GALNT17: variants seen among roughly 807,000 people sequenced by gnomAD.
GALNT17 encodes polypeptide N-acetylgalactosaminyltransferase 17, also known as UDP-GalNAc:polypeptide N-acetylgalactosaminyltransferase-like 3.
Under a neutral mutation model 63.7 loss-of-function variants are expected in GALNT17, and 29 were observed. The ratio of observed to expected loss-of-function variants is 0.46; its 90% confidence interval spans 0.34 to 0.62. The LOEUF (loss-of-function observed/expected upper bound fraction) is 0.62, where lower values mean the gene tolerates loss of function less well. Ranked by LOEUF, GALNT17 falls within the 20% of genes least tolerant of loss-of-function variation. The pLI, the probability that GALNT17 is intolerant of heterozygous loss-of-function variation, is 0.01. For synonymous variants in GALNT17, 305 were observed against 318.3 expected, an observed-to-expected ratio of 0.96 and a Z score of 0.45; for missense variants, 603 against 799.6, an observed-to-expected ratio of 0.75 and a Z score of 2.97.
intron 5 of GALNT17, among the ~76,000 whole-genome samples, chr7:71,558,516 G>C (rs1789201783): frequency 6.6e-6 from 1 of 152,108 alleles, no homozygotes; most frequent in South Asian, 2.1e-4. Flanking sequence ...GATGATGCCT[G>C]TTCTAGACCT....
At chr7:71,368,975 G>A (rs375780198) in intron 2 of GALNT17, among the ~76,000 whole-genome samples, 4 of 151,930 alleles carry the variant, frequency 2.6e-5, no homozygotes, top group South Asian at 2.1e-4. Flanking sequence ...AATAAGAATC[G>A]GAATTAAATA....
chr7:71,329,286 A>G (rs917305693), intron 1 of GALNT17, among the ~76,000 whole-genome samples: 1 of 152,186 alleles, frequency 6.6e-6, no homozygotes. Flanking sequence ...GGGAAAATCC[A>G]GGGCGAATGA....
intron 1 of GALNT17, among the ~76,000 whole-genome samples, chr7:71,236,276 C>T (rs2116456869): frequency 6.6e-6 from 1 of 152,136 alleles, no homozygotes; most frequent in African/African-American, 2.4e-5. Flanking sequence ...CGGCTGAGGG[C>T]TTCATTGCTA....
intron 8 of GALNT17, among the ~76,000 whole-genome samples, chr7:71,673,286 A>G (rs963139966): frequency 6.6e-6 from 1 of 152,140 alleles, no homozygotes; most frequent in Non-Finnish European, 1.5e-5. Context: ...TTTTTAATTT[A>G]ACTTGGAGAT....
chr7:71,161,786 T>G (rs1381648448), intron 1 of GALNT17, among the ~76,000 whole-genome samples: 1 of 152,208 alleles, frequency 6.6e-6, no homozygotes, highest in Non-Finnish European at 1.5e-5. Context: ...TGTAATCGTC[T>G]TTTATTGGGC....
At chr7:71,224,143 C>T (rs1380687600) in intron 1 of GALNT17, among the ~76,000 whole-genome samples, 3 of 152,146 alleles carry the variant, frequency 2.0e-5, no homozygotes, top group Non-Finnish European at 4.4e-5. Flanking sequence ...CAACCTCTGC[C>T]TCCTGGGTTC....
At chr7:71,393,407 A>G (rs1043121590) in intron 3 of GALNT17, among the ~76,000 whole-genome samples, 1 of 152,230 alleles carries the variant, frequency 6.6e-6, no homozygotes, top group Non-Finnish European at 1.5e-5. Context: ...AAAAAAATAA[A>G]TACTGAAGAG....
chr7:71,151,645 AAAG>A (rs1159638373), intron 1 of GALNT17, among the ~76,000 whole-genome samples: 1 of 151,660 alleles, frequency 6.6e-6, no homozygotes, highest in African/African-American at 2.4e-5. Context: ...AAAAAAAAAA[AAAG>A]AAAATAGCCT....
At chr7:71,548,430 T>C (rs1476556529) in intron 5 of GALNT17, among the ~76,000 whole-genome samples, 1 of 152,168 alleles carries the variant, frequency 6.6e-6, no homozygotes, top group Non-Finnish European at 1.5e-5. Context: ...TCTTTTCTTT[T>C]GTTGGGAGGA....
At chr7:71,200,264 C>T (rs571098546) in intron 1 of GALNT17, among the ~76,000 whole-genome samples, 7 of 152,190 alleles carry the variant, frequency 4.6e-5, no homozygotes, top group East Asian at 1.9e-4. Flanking sequence ...CCCGTGGCTT[C>T]GTGCAAGATG....
chr7:71,278,745 T>A (rs1790726670), intron 1 of GALNT17, among the ~76,000 whole-genome samples: 1 of 151,912 alleles, frequency 6.6e-6, no homozygotes, highest in Admixed American at 6.6e-5. Flanking sequence ...TCATGAGAAC[T>A]CACTATCATG....
chr7:71,230,224 T>C (rs1789762166), intron 1 of GALNT17, among the ~76,000 whole-genome samples: 1 of 151,512 alleles, frequency 6.6e-6, no homozygotes, highest in Non-Finnish European at 1.5e-5. Flanking sequence ...GGAGTACTAG[T>C]ATATCATTTC....
At chr7:71,355,588 A>G (rs1792269211) in intron 2 of GALNT17, among the ~76,000 whole-genome samples, 1 of 151,964 alleles carries the variant, frequency 6.6e-6, no homozygotes, top group African/African-American at 2.4e-5. Flanking sequence ...GCTGGAGTTC[A>G]GTGGCATGAT....
At chr7:71,579,405 T>G (rs1217641542) in intron 6 of GALNT17, among the ~76,000 whole-genome samples, 1 of 152,212 alleles carries the variant, frequency 6.6e-6, no homozygotes, top group Admixed American at 6.5e-5. Context: ...TCCATGAAAT[T>G]TATAGTCAGA....
At chr7:71,317,011 AT>A (rs779325481) in intron 1 of GALNT17, among the ~76,000 whole-genome samples, 4 of 152,174 alleles carry the variant, frequency 2.6e-5, no homozygotes, top group Non-Finnish European at 5.9e-5. Flanking sequence ...GTTCACATCC[AT>A]CTCCCTTGAG....
chr7:71,256,014 G>A (rs968003168), intron 1 of GALNT17, among the ~76,000 whole-genome samples: 16 of 152,142 alleles, frequency 1.1e-4, no homozygotes, highest in African/African-American at 3.9e-4. Flanking sequence ...ATTCTGAAAA[G>A]AAGCATTTAC....
intron 9 of GALNT17, among the ~76,000 whole-genome samples, chr7:71,678,950 C>T (rs550528799): frequency 3.6e-3 from 432 of 119,624 alleles, no homozygotes; most frequent in African/African-American, 0.012. Context: ...GAGCGAGACT[C>T]CATCTCAAAA....
chr7:71,173,734 C>T (rs886356832), intron 1 of GALNT17, among the ~76,000 whole-genome samples: 5 of 152,158 alleles, frequency 3.3e-5, no homozygotes, highest in South Asian at 2.1e-4. Context: ...GATTGTGCCA[C>T]TGCACTCCAG....
At chr7:71,339,716 G>T (rs562719435) in intron 2 of GALNT17, among the ~76,000 whole-genome samples, 71 of 151,872 alleles carry the variant, frequency 4.7e-4, no homozygotes, top group Admixed American at 6.6e-4. Context: ...AATTGAAATT[G>T]GGAGAGGGAT....
Sources: gnomAD v4.1 joint callset for allele counts (sites outside exome capture counted in the v4.1 genomes callset) on GRCh38, gnomAD v4.1.1 for gene constraint, MANE v1.5 for transcripts, NCBI Gene and HGNC (gene_info 2026-07-23, HGNC 2026-07-21) for gene names.